DGKB: variants seen among roughly 807,000 people sequenced by gnomAD.
DGKB encodes the protein diacylglycerol kinase beta.
In DGKB, 67 loss-of-function variants were observed where a neutral mutation model predicts 114.3. That is an observed-to-expected ratio of 0.59 (90% CI 0.48 to 0.72). DGKB has a LOEUF of 0.72. Among genes scored for constraint, DGKB ranks in the 30% least tolerant of loss-of-function variants. The pLI, the probability that DGKB is intolerant of heterozygous loss-of-function variation, is 0.00. For missense variants in DGKB, 907 were observed against 975.2 expected, an observed-to-expected ratio of 0.93 and a Z score of 0.93; for synonymous variants, 398 against 323.1, an observed-to-expected ratio of 1.23 and a Z score of -2.49.
At chr7:14,460,730 G>C (rs1453933812) in intron 21 of DGKB, among the ~76,000 whole-genome samples, 1 of 152,136 alleles carries the variant, frequency 6.6e-6, no homozygotes, top group Non-Finnish European at 1.5e-5. Context: ...TTCAGGACTT[G>C]AACTCAGCTC....
At chr7:14,848,189 G>C (rs1228150025) in intron 1 of DGKB, among the ~76,000 whole-genome samples, 1 of 152,092 alleles carries the variant, frequency 6.6e-6, no homozygotes, top group African/African-American at 2.4e-5. Flanking sequence ...GGTGGCTTTA[G>C]GGAATGGCAA....
At chr7:14,363,254 A>G (rs778277348) in intron 21 of DGKB, among the ~76,000 whole-genome samples, 9 of 152,284 alleles carry the variant, frequency 5.9e-5, no homozygotes, top group Non-Finnish European at 1.3e-4. Context: ...TAAAAGACAC[A>G]TAAACGTATA....
intron 20 of DGKB, among the ~76,000 whole-genome samples, chr7:14,546,104 T>A (rs1794241653): frequency 6.6e-6 from 1 of 152,248 alleles, no homozygotes. Flanking sequence ...TCTTTTCAGT[T>A]ACATTGCAAA....
chr7:14,941,991 G>A (rs1305374552), intron 1 of DGKB, among the ~76,000 whole-genome samples: 1 of 151,880 alleles, frequency 6.6e-6, no homozygotes, highest in African/African-American at 2.4e-5. Context: ...ACCTATCTTT[G>A]CAACCGAATG....
intron 21 of DGKB, among the ~76,000 whole-genome samples, chr7:14,403,666 C>A (rs2128730634): frequency 6.6e-6 from 1 of 152,092 alleles, no homozygotes; most frequent in Middle Eastern, 3.4e-3. Context: ...CATTAGTTTT[C>A]AATAAGGAAG....
At chr7:14,319,215 C>G (rs555897018) in intron 23 of DGKB, among the ~76,000 whole-genome samples, 9 of 151,556 alleles carry the variant, frequency 5.9e-5, no homozygotes, top group African/African-American at 2.2e-4. Context: ...TGCAGCACAC[C>G]AGCGTGGCAC....
intron 1 of DGKB, among the ~76,000 whole-genome samples, chr7:14,892,853 CATAT>C (rs72367027): frequency 1.0e-5 from 1 of 96,912 alleles, no homozygotes; most frequent in Non-Finnish European, 2.0e-5. Context: ...CAACTAATAC[CATAT>C]ATATATATGT....
intron 20 of DGKB, among the ~76,000 whole-genome samples, chr7:14,523,499 CT>C (rs1438667989): frequency 3.3e-5 from 5 of 152,124 alleles, no homozygotes; most frequent in South Asian, 2.1e-4. Flanking sequence ...ACAGTATAGT[CT>C]TCCATACAGT....
chr7:14,341,877 A>G lies in DGKB; in HGVS notation c.1927-3167T>C, dbSNP rs141679803. On this transcript the variant is annotated intron_variant, in intron 22 of 25. Transcript: ENST00000402815. ...GGAGAGCTCTAAGTGTGGATGGTAA[A>G]TGTGATGAGATACAATTAATGATAA... Among the ~76,000 whole-genome samples, 4 of 152,048 alleles carry G rather than the reference A, an allele frequency of 2.6e-5. No homozygotes were observed. In the East Asian group the frequency reaches 7.7e-4, roughly 29 times the overall value.
At chr7:14,359,132 G>A (rs947238565) in intron 21 of DGKB, among the ~76,000 whole-genome samples, 14 of 151,702 alleles carry the variant, frequency 9.2e-5, no homozygotes, top group Admixed American at 2.6e-4. Flanking sequence ...ATAGAACAAC[G>A]GAACAGAACA....
intron 17 of DGKB, among the ~76,000 whole-genome samples, chr7:14,597,396 G>A (rs540919407): frequency 1.3e-5 from 2 of 152,082 alleles, no homozygotes; most frequent in Non-Finnish European, 2.9e-5. Flanking sequence ...TTGAAGATTA[G>A]TATCTTAGAC....
chr7:14,613,506 G>A, intron 15 of DGKB, 93 bp from the exon 16 acceptor site: 6 of 703,472 alleles, frequency 8.5e-6, no homozygotes, highest in Admixed American at 2.5e-5. Flanking sequence ...ATACCAATAC[G>A]CAATTTCAAT....
chr7:14,313,530 C>T lies in DGKB; in HGVS notation c.2122+24985G>A, dbSNP rs370648553. Among the ~76,000 whole-genome samples the T allele has an allele frequency of 1.1e-3, 165 of 152,178 alleles. 1 individual carries two copies. Among genetic ancestry groups the T allele is most frequent in the Middle Eastern group, 6.8e-3 (2 of 292 alleles). Reference sequence around the variant, plus strand: ...GGGTGACGGACGGCACCTGGAAAATCGGGAAAATCGGGTCACTCCCACCCG... The same window carrying T: ...GGGTGACGGACGGCACCTGGAAAATTGGGAAAATCGGGTCACTCCCACCCG... On this transcript the variant is annotated intron_variant, in intron 23 of 25. Transcript: ENST00000402815.
At chr7:14,254,357 A>C (rs1584750263) in intron 23 of DGKB, among the ~76,000 whole-genome samples, 2 of 152,326 alleles carry the variant, frequency 1.3e-5, no homozygotes, top group South Asian at 4.1e-4. Context: ...TTACTGGACA[A>C]AATGAATCTA....
At chr7:14,847,636 G>C (rs573151100) in intron 1 of DGKB, among the ~76,000 whole-genome samples, 3 of 152,270 alleles carry the variant, frequency 2.0e-5, no homozygotes, top group African/African-American at 7.2e-5. Flanking sequence ...GGGGGAAAGA[G>C]CTACAATAAC....
chr7:14,638,962 C>T (rs1167850322), intron 13 of DGKB, among the ~76,000 whole-genome samples: 1 of 152,006 alleles, frequency 6.6e-6, no homozygotes, highest in Admixed American at 6.6e-5. Flanking sequence ...CGCTTGAACC[C>T]GGGAGGTGGA....
chr7:14,223,672 T>A (rs1284946166), intron 23 of DGKB, among the ~76,000 whole-genome samples: 1 of 151,844 alleles, frequency 6.6e-6, no homozygotes, highest in East Asian at 1.9e-4. Context: ...TTGCCTTTAT[T>A]ACTCAACGTG....
chr7:14,380,841 G>A (rs191197085), intron 21 of DGKB, among the ~76,000 whole-genome samples: 25 of 152,266 alleles, frequency 1.6e-4, no homozygotes, highest in Admixed American at 1.0e-3. Flanking sequence ...CAGACATTGC[G>A]TTAGGCAGAA....
intron 12 of DGKB, among the ~76,000 whole-genome samples, chr7:14,680,848 C>T (rs1419285217): frequency 6.6e-6 from 1 of 151,760 alleles, no homozygotes; most frequent in Admixed American, 6.6e-5. Context: ...AGGGTTCAAA[C>T]TGAGTACACA....
Sources: allele counts gnomAD v4.1 joint callset (sites outside exome capture counted in the v4.1 genomes callset), GRCh38; gene constraint gnomAD v4.1.1; transcripts MANE v1.5; gene names NCBI Gene and HGNC (gene_info 2026-07-23, HGNC 2026-07-21).